FMO3: variants seen among roughly 807,000 people sequenced by gnomAD.
The protein encoded by FMO3 is flavin-containing monooxygenase 3.
In FMO3, 40 loss-of-function variants were observed where a neutral mutation model predicts 39.4. The observed-to-expected ratio is 1.02, with a 90% confidence interval of 0.79 to 1.32. The LOEUF (loss-of-function observed/expected upper bound fraction) is 1.32, where lower values mean the gene tolerates loss of function less well. FMO3 is among the 40% of genes most tolerant of loss of function. The pLI is 0.00. For missense variants in FMO3, 680 were observed against 651.8 expected (o/e 1.04, Z -0.47); for synonymous variants, 219 against 228.8 (o/e 0.96, Z 0.39).
At chr1:171,110,473 G>T (rs1353485838) in intron 5 of FMO3, among the ~76,000 whole-genome samples, 1 of 152,160 alleles carries the variant, frequency 6.6e-6, no homozygotes, top group Admixed American at 6.5e-5. Context: ...ACTTCCACAG[G>T]AAGGGAAGGA....
intron 2 of FMO3, among the ~76,000 whole-genome samples, chr1:171,099,454 G>C (rs1571207953): frequency 6.6e-6 from 1 of 152,052 alleles, no homozygotes; most frequent in East Asian, 1.9e-4. Context: ...AGGGCTTTTT[G>C]GTTGTTGTTA....
chr1:171,095,322 A>G (rs1323691649), intron 2 of FMO3, among the ~76,000 whole-genome samples: 2 of 152,144 alleles, frequency 1.3e-5, no homozygotes, highest in Admixed American at 6.6e-5. Flanking sequence ...GTGCATATGT[A>G]ATAAGGGTTC....
intron 2 of FMO3, among the ~76,000 whole-genome samples, chr1:171,094,003 AT>A (rs1366066183): frequency 3.3e-5 from 5 of 151,298 alleles, no homozygotes; most frequent in Middle Eastern, 3.4e-3. Context: ...TAATTTTTGT[AT>A]TTTTAGTAGA....
At chr1:171,093,587 TTATTGGACAACAAG>T (rs759202423) in intron 2 of FMO3, among the ~76,000 whole-genome samples, 1 of 152,084 alleles carries the variant, frequency 6.6e-6, no homozygotes, top group Non-Finnish European at 1.5e-5. Flanking sequence ...CCAATCATCC[TTATTGGACAACAAG>T]GTTGATTCCA....
intron 2 of FMO3, chr1:171,099,759 C>CTTTTTTTTTTTTTTTTT (rs747274398): frequency 1.4e-4 from 16 of 117,584 alleles, no homozygotes; most frequent in Non-Finnish European, 1.7e-4. Flanking sequence ...CCATGTCTTT[C>CTTTTTTTTTTTTTTTTT]TTTTTTTTTT....
chr1:171,091,613 A>T (rs1358020624), intron 1 of FMO3, among the ~76,000 whole-genome samples: 4 of 151,880 alleles, frequency 2.6e-5, no homozygotes, highest in African/African-American at 9.7e-5. Flanking sequence ...CCCGGAGAGA[A>T]GGTCTCACTC....
intron 6 of FMO3, among the ~76,000 whole-genome samples, chr1:171,113,757 G>A (rs971788994): frequency 9.2e-5 from 14 of 152,130 alleles, no homozygotes; most frequent in African/African-American, 2.7e-4. Flanking sequence ...CCTTTATTCC[G>A]GGATTTGGAA....
chr1:171,096,081 A>ATATATATATAAAATATAT (rs1655012635), intron 2 of FMO3, among the ~76,000 whole-genome samples: 1 of 56,010 alleles, frequency 1.8e-5, no homozygotes, highest in Admixed American at 3.3e-4. Flanking sequence ...TTAATATATA[A>ATATATATATAAAATATAT]TATATATTAA....
intron 1 of FMO3, among the ~76,000 whole-genome samples, chr1:171,091,455 T>C (rs532995241): frequency 6.6e-6 from 1 of 150,768 alleles, no homozygotes; most frequent in Admixed American, 6.6e-5. Context: ...AAAAAAAAAG[T>C]AGTGAAAGAA....
chr1:171,108,261 C>G (rs1331779722), intron 5 of FMO3, 40 bp downstream of exon 5: 1 of 1,609,934 alleles, frequency 6.2e-7, no homozygotes, highest in Non-Finnish European at 8.5e-7. Context: ...TCGTTACTGA[C>G]AGAAGAGTTA....
At chr1:171,096,286 AT>A (rs1655043460) in intron 2 of FMO3, among the ~76,000 whole-genome samples, 3 of 61,018 alleles carry the variant, frequency 4.9e-5, no homozygotes, top group African/African-American at 2.8e-4. Flanking sequence ...TATATATATT[AT>A]ATATCTATTA....
Position 171,116,280 on chromosome 1 carries a change from G to A in FMO3, c.1256G>A (p.Trp419Ter). The A allele has an allele frequency of 6.6e-7, 1 of 1,526,314 alleles. No individual in the cohort carries two copies. Among genetic ancestry groups the A allele is most frequent in the Non-Finnish European group, 9.1e-7 (1 of 1,100,822 alleles). 94.5% of individuals were successfully genotyped at this position (1,526,314 alleles called of 1,614,324 possible). Residue 419 changes from tryptophan to a stop codon, truncating the protein, a stop_gained and splice_region_variant, in exon 8 of 9, where the codon TGG becomes TAG. Transcript: ENST00000367755. LOFTEE classifies it low-confidence loss of function (END_TRUNC). ...GAGAAAATGGAGAAAAAGCGCAAAT[G>A]GTAAGAGTACCTATTGTAATAGGAG... ...INEKMEKKRK[W>*]FGKSETIQTD...
At position 171,112,074 on chromosome 1, in the gene FMO3, T is replaced by C. The variant is rs116369256; in HGVS notation, c.827+1077T>C. 3.6e-3 allele frequency among the ~76,000 whole-genome samples: 545 copies of C among 152,226 alleles called. 3 individuals carry two copies. Among genetic ancestry groups the C allele is most frequent in the African/African-American group, 0.012 (509 of 41,540 alleles). ...GTCTCAGGGGAAGGGTATTCCAGACTGAGGACACAGCCAGGGCATTTACGG... is the reference window on the plus strand; with the variant it reads ...GTCTCAGGGGAAGGGTATTCCAGACCGAGGACACAGCCAGGGCATTTACGG... On this transcript the variant is annotated intron_variant, in intron 6 of 8. Transcript: ENST00000367755.
intron 2 of FMO3, among the ~76,000 whole-genome samples, chr1:171,098,497 G>T (rs1326259068): frequency 1.3e-5 from 2 of 152,040 alleles, no homozygotes; most frequent in East Asian, 3.9e-4. Flanking sequence ...CCTTGAAGAG[G>T]TCTTTCACAT....
intron 2 of FMO3, among the ~76,000 whole-genome samples, chr1:171,094,085 TC>T (rs1318659515): frequency 6.6e-6 from 1 of 152,018 alleles, no homozygotes; most frequent in Non-Finnish European, 1.5e-5. Context: ...GGCCTCGGAC[TC>T]CCAAAGTGCT....
chr1:171,103,207 A>G (rs1158532183), intron 2 of FMO3, among the ~76,000 whole-genome samples: 3 of 152,218 alleles, frequency 2.0e-5, no homozygotes, highest in African/African-American at 7.2e-5. Context: ...ACATAGGCCT[A>G]AAGGACATAA....
chr1:171,105,017 A>C (rs1429291953), intron 3 of FMO3, among the ~76,000 whole-genome samples: 2 of 151,970 alleles, frequency 1.3e-5, no homozygotes, highest in Non-Finnish European at 2.9e-5. Context: ...ATACTATAAA[A>C]GTGTTTGCCA....
At chr1:171,106,921 T>C (rs574065190) in intron 3 of FMO3, among the ~76,000 whole-genome samples, 13 of 152,312 alleles carry the variant, frequency 8.5e-5, no homozygotes, top group African/African-American at 3.1e-4. Flanking sequence ...GTATTAGGTC[T>C]TATGAGTCCA....
chr1:171,105,639 A>G (rs1437897939), intron 3 of FMO3, among the ~76,000 whole-genome samples: 3 of 152,276 alleles, frequency 2.0e-5, no homozygotes, highest in Admixed American at 6.5e-5. Context: ...ATAAAAAAAA[A>G]AGAGATTAAC....
Sources: allele counts gnomAD v4.1 joint callset (sites outside exome capture counted in the v4.1 genomes callset), GRCh38; gene constraint gnomAD v4.1.1; transcripts MANE v1.5; gene names NCBI Gene and HGNC (gene_info 2026-07-23, HGNC 2026-07-21).